The following NHSL1 variants were observed in gnomAD, a reference collection of about 807,000 sequenced individuals.
NHSL1 encodes the protein NHS-like protein 1.
A neutral mutation model predicts 95.0 loss-of-function variants in NHSL1; 48 were observed. The observed-to-expected ratio is 0.51, with a 90% CI of 0.40 to 0.64. The LOEUF (loss-of-function observed/expected upper bound fraction) is 0.64. Among genes scored for constraint, NHSL1 ranks in the 30% least tolerant of loss-of-function variants. NHSL1 has a pLI of 0.00. For synonymous variants in NHSL1, 783 were observed against 833.9 expected, an observed-to-expected ratio of 0.94 and a Z score of 1.05; for missense variants, 1,971 against 2,077.7, an observed-to-expected ratio of 0.95 and a Z score of 1.00.
At chr6:138,446,691 T>A (rs571678488) in intron 4 of NHSL1, 8 of 256,120 alleles carry the variant, frequency 3.1e-5, no homozygotes, top group Middle Eastern at 1.3e-3. Flanking sequence ...ATTTACAAGA[T>A]GTTTCCATAT....
chr6:138,583,275 C>T (rs1251376795), intron 1 of NHSL1, among the ~76,000 whole-genome samples: 1 of 152,200 alleles, frequency 6.6e-6, no homozygotes, highest in Non-Finnish European at 1.5e-5. Context: ...GGGCTGCTCA[C>T]TTTCCACTGG....
chr6:138,578,801 T>C (rs1229431233), intron 1 of NHSL1, among the ~76,000 whole-genome samples: 1 of 152,142 alleles, frequency 6.6e-6, no homozygotes, highest in East Asian at 1.9e-4. Context: ...TCTGAACTCC[T>C]AGAAGCGCCC....
intron 1 of NHSL1, among the ~76,000 whole-genome samples, chr6:138,658,449 C>T (rs1295634080): frequency 1.3e-5 from 2 of 152,212 alleles, no homozygotes; most frequent in African/African-American, 4.8e-5. Context: ...CAGTATTTGA[C>T]TCTATGTCTA....
At chr6:138,660,734 T>C (rs1351237744) in intron 1 of NHSL1, among the ~76,000 whole-genome samples, 2 of 149,136 alleles carry the variant, frequency 1.3e-5, no homozygotes, top group Non-Finnish European at 3.0e-5. Context: ...GGCAGGTGGA[T>C]CACTTGAGCC....
chr6:138,518,009 G>A (rs1427754920), intron 1 of NHSL1, among the ~76,000 whole-genome samples: 1 of 152,156 alleles, frequency 6.6e-6, no homozygotes, highest in African/African-American at 2.4e-5. Context: ...CTGGTTAGGG[G>A]AGGAAGTCAG....
chr6:138,503,301 C>G (rs1780785047), upstream of NHSL1, among the ~76,000 whole-genome samples: 1 of 152,148 alleles, frequency 6.6e-6, no homozygotes, highest in African/African-American at 2.4e-5. Context: ...TCTAACCAAG[C>G]TTCAAAGATC....
At chr6:138,447,463 T>C (rs1365059510) in intron 3 of NHSL1, among the ~76,000 whole-genome samples, 2 of 152,154 alleles carry the variant, frequency 1.3e-5, no homozygotes, top group Non-Finnish European at 2.9e-5. Flanking sequence ...GCTTTCCCTC[T>C]ATCTACTGTG....
intron 1 of NHSL1, among the ~76,000 whole-genome samples, chr6:138,670,047 G>A (rs1785343806): frequency 6.6e-6 from 1 of 152,148 alleles, no homozygotes; most frequent in African/African-American, 2.4e-5. Context: ...CTTGAACCCA[G>A]GAGGTGGAGG....
At chr6:138,618,222 A>G (rs1406787810) in intron 1 of NHSL1, among the ~76,000 whole-genome samples, 3 of 152,212 alleles carry the variant, frequency 2.0e-5, no homozygotes, top group Admixed American at 2.0e-4. Flanking sequence ...TCAGCTACCC[A>G]AGGAGATTTT....
At chr6:138,462,791 T>A (rs1005882705) in intron 3 of NHSL1, among the ~76,000 whole-genome samples, 1 of 152,202 alleles carries the variant, frequency 6.6e-6, no homozygotes, top group African/African-American at 2.4e-5. Context: ...CAGGCTTTAG[T>A]GCAAAGCAGG....
intron 1 of NHSL1, among the ~76,000 whole-genome samples, chr6:138,591,015 A>C (rs1784216184): frequency 6.6e-6 from 1 of 152,148 alleles, no homozygotes. Flanking sequence ...TTGACCATTG[A>C]TCTCGGGCAA....
At position 138,424,216 on chromosome 6, in the gene NHSL1, C is replaced by T. The variant is rs1027365131; in HGVS notation, c.4686G>A (p.Glu1562=). The T allele has an allele frequency of 8.6e-6, 13 of 1,504,314 alleles. No homozygotes were observed. In the Admixed American group the frequency reaches 2.9e-4, roughly 33 times the overall value. The allele number at this position is 1,504,314 out of a possible 1,614,324, so 93.2% of individuals were successfully genotyped here. A position where few individuals can be genotyped will look rare whatever the true frequency, so the allele number is the denominator to read the frequency against. ...GCCCCTCCCCACAGAGCAGGCCGCC[C>T]TCGTCCATCTCCTCCCTCGCCAGTC... ...LDGLAREEMD[E]GGLLCGEGPA... The change falls in exon 8 of 8, where the codon GAG becomes GAA. Residue 1562 remains glutamate, a synonymous_variant. Coordinates refer to ENST00000343505, the MANE Select transcript of NHSL1 (RefSeq NM_001144060.2). This position sits in a 1 kb window ranked among gnomAD's most constrained non-coding sequence, Gnocchi z 5.9.
chr6:138,671,564 T>C (rs1302344022), intron 1 of NHSL1, among the ~76,000 whole-genome samples: 5 of 151,752 alleles, frequency 3.3e-5, no homozygotes, highest in African/African-American at 1.2e-4. Context: ...AGGATGACAG[T>C]GAAGGAGGTC....
Position 138,431,861 on chromosome 6 carries a change from G to T in NHSL1, c.2484C>A (p.Pro828=), listed in dbSNP as rs765240250. 14 of 1,551,570 alleles carry T rather than the reference G, an allele frequency of 9.0e-6. No individual in the cohort carries two copies. The highest frequency in any genetic ancestry group is 1.2e-5 in the Non-Finnish European group (14 of 1,146,980). ...EGSRATMPQV[P]GGSVKPKIMS... is the part of the protein sequence containing the mutation. Reference sequence around the variant, plus strand: ...TGATCTTTGGTTTGACTGAACCACCGGGCACTTGGGGCATTGTGGCTCTGG... The same window carrying T: ...TGATCTTTGGTTTGACTGAACCACCTGGCACTTGGGGCATTGTGGCTCTGG... Residue 828 remains proline (P), a synonymous_variant, in exon 6 of 8, where the codon CCC becomes CCA. Coordinates refer to ENST00000343505, the MANE Select transcript of NHSL1 (RefSeq NM_001144060.2). This position sits in a 1 kb window ranked among gnomAD's most constrained non-coding sequence, Gnocchi z 4.0.
chr6:138,615,843 A>T (rs538127042), intron 1 of NHSL1, among the ~76,000 whole-genome samples: 2 of 152,348 alleles, frequency 1.3e-5, no homozygotes, highest in South Asian at 4.1e-4. Flanking sequence ...AACTGAATGG[A>T]GGGGCAATGC....
intron 1 of NHSL1, among the ~76,000 whole-genome samples, chr6:138,623,376 T>A (rs1439548389): frequency 1.3e-5 from 2 of 152,314 alleles, no homozygotes; most frequent in South Asian, 4.1e-4. Flanking sequence ...ACAGTGTCTG[T>A]CTGGTTTGTT....
rs139201015 is a variant in NHSL1, at chr6:138,618,491, C to T, written c.96+73985G>A. Among the ~76,000 whole-genome samples the T allele has an allele frequency of 3.6e-3, 546 of 152,308 alleles. 4 individuals are homozygous for T. The highest frequency in any genetic ancestry group is 5.6e-3 in the Non-Finnish European group (383 of 68,034). On this transcript the variant is annotated intron_variant, in intron 1 of 3. Coordinates refer to the NHSL1 transcript ENST00000491526. ...AACAAATATACTAAGCTGAGAGCAACGGTTTTTCTGACTAGCTGTTTAGGT... is the reference window on the plus strand; with the variant it reads ...AACAAATATACTAAGCTGAGAGCAATGGTTTTTCTGACTAGCTGTTTAGGT...
intron 2 of NHSL1, among the ~76,000 whole-genome samples, chr6:138,487,302 C>T (rs1779789379): frequency 1.3e-5 from 2 of 152,158 alleles, no homozygotes; most frequent in Admixed American, 6.5e-5. Context: ...TGACCAAGTT[C>T]GTTTTAAAGA....
intron 4 of NHSL1, among the ~76,000 whole-genome samples, chr6:138,445,742 T>C (rs1776823505): frequency 6.6e-6 from 1 of 152,236 alleles, no homozygotes; most frequent in African/African-American, 2.4e-5. Context: ...CTAACAGCAG[T>C]AGCCTCAGAA....
Sources: allele counts gnomAD v4.1 joint callset (sites outside exome capture counted in the v4.1 genomes callset), GRCh38; gene constraint gnomAD v4.1.1; non-coding constraint Gnocchi (gnomAD v3.1); transcripts MANE v1.5; gene names NCBI Gene and HGNC (gene_info 2026-07-23, HGNC 2026-07-21).